COL25A1: variants seen among roughly 807,000 people sequenced by gnomAD.
The protein encoded by COL25A1 is collagen type XXV alpha 1 chain.
COL25A1 carries 103 observed loss-of-function variants against 128.4 expected under a neutral mutation model. The observed-to-expected ratio is 0.80, with a 90% CI of 0.68 to 0.94. The LOEUF (loss-of-function observed/expected upper bound fraction) is 0.94. COL25A1 is among the 40% of genes least tolerant of loss of function. The probability of loss-of-function intolerance (pLI) is 0.00; values close to 1 mark genes in which losing one functional copy is unlikely to be tolerated. For synonymous variants in COL25A1, 279 were observed against 277.2 expected (o/e 1.01, Z -0.06); for missense variants, 745 against 840.0 (o/e 0.89, Z 1.40).
chr4:109,072,476 T>C (rs1430084433), intron 3 of COL25A1, among the ~76,000 whole-genome samples: 3 of 152,220 alleles, frequency 2.0e-5, no homozygotes, highest in East Asian at 1.9e-4. Context: ...ACTATTATCA[T>C]TGATGTTTTC....
intron 3 of COL25A1, among the ~76,000 whole-genome samples, chr4:109,291,944 T>C (rs1485476384): frequency 6.6e-6 from 1 of 152,152 alleles, no homozygotes; most frequent in Non-Finnish European, 1.5e-5. Context: ...ATTATATGAA[T>C]AGTCACTTTT....
chr4:109,194,024 T>C (rs1775821690), intron 3 of COL25A1, among the ~76,000 whole-genome samples: 1 of 152,166 alleles, frequency 6.6e-6, no homozygotes, highest in South Asian at 2.1e-4. Flanking sequence ...ATTTAAAAAA[T>C]AGACTGTGTG....
intron 3 of COL25A1, among the ~76,000 whole-genome samples, chr4:109,147,101 T>C (rs1478400320): frequency 6.6e-6 from 1 of 152,232 alleles, no homozygotes; most frequent in Non-Finnish European, 1.5e-5. Context: ...TAAAGACCGT[T>C]GGCAACATTT....
chr4:109,111,018 T>C lies in COL25A1; in HGVS notation c.368-60839A>G, dbSNP rs373951095. Among the ~76,000 whole-genome samples the C allele has an allele frequency of 5.9e-5, 9 of 152,338 alleles. No individual in the cohort carries two copies. The East Asian group carries it at 1.3e-3, about 23-fold the overall frequency. On this transcript the variant is annotated intron_variant, in intron 3 of 37. Coordinates refer to ENST00000399132, the MANE Select transcript of COL25A1 (RefSeq NM_198721.4). ...TTTACCCTTCAAGCATTTTTCATTG[T>C]CTACAGGATCAATTCAAAACCCCGT...
Position 109,203,974 on chromosome 4 carries a change from G to T in COL25A1, c.367+96609C>A, listed in dbSNP as rs116352949. On this transcript the variant is annotated intron_variant, in intron 3 of 37. Transcript: ENST00000399132. ...TGTGTTTTGAGTGAAGCAACTGCAG[G>T]AATAACAGAATAAAATCTTCATCTA... is the stretch of plus-strand genomic sequence containing the variant. 4.5e-3 allele frequency among the ~76,000 whole-genome samples: 690 copies of T among 152,142 alleles called. 1 individual carries two copies. Among genetic ancestry groups the T allele is most frequent in the Non-Finnish European group, 7.8e-3 (527 of 67,978 alleles).
chr4:108,847,056 C>T (rs1286026157), intron 27 of COL25A1, among the ~76,000 whole-genome samples: 1 of 151,902 alleles, frequency 6.6e-6, no homozygotes, highest in African/African-American at 2.4e-5. Context: ...CAAGCATGCG[C>T]CACCATGCCC....
At chr4:108,944,687 A>G (rs916178370) in intron 8 of COL25A1, among the ~76,000 whole-genome samples, 4 of 151,192 alleles carry the variant, frequency 2.6e-5, no homozygotes, top group Non-Finnish European at 5.9e-5. Context: ...CGTATTTTCA[A>G]AATGCTCACA....
Position 109,070,081 on chromosome 4 carries a change from C to G in COL25A1, c.368-19902G>C, listed in dbSNP as rs186526819. Among the ~76,000 whole-genome samples the G allele has an allele frequency of 2.5e-4, 38 of 151,098 alleles. 1 individual carries two copies. The East Asian group carries it at 3.9e-3, about 16-fold the overall frequency. On this transcript the variant is annotated intron_variant, in intron 3 of 37. Coordinates refer to ENST00000399132, the MANE Select transcript of COL25A1 (RefSeq NM_198721.4). The stretch of plus-strand genomic sequence containing the variant: ...ACCAGCCTGGCCAACAAGGTGAAAC[C>G]CCGTCTCTACTAAAAATATAAAAAA...
At chr4:108,832,973 T>TAATAAACAAATA (rs1733327470) in intron 31 of COL25A1, among the ~76,000 whole-genome samples, 1 of 106,110 alleles carries the variant, frequency 9.4e-6, no homozygotes, top group African/African-American at 3.1e-5. Context: ...TCTCAAAAAA[T>TAATAAACAAATA]AATAAATAAA....
At chr4:109,137,972 T>C (rs913413433) in intron 3 of COL25A1, among the ~76,000 whole-genome samples, 1 of 83,974 alleles carries the variant, frequency 1.2e-5, no homozygotes, top group African/African-American at 3.1e-5. Flanking sequence ...AGAAATTTCA[T>C]TTTATATATA....
intron 8 of COL25A1, among the ~76,000 whole-genome samples, chr4:108,942,014 T>C (rs994992504): frequency 6.6e-6 from 1 of 152,186 alleles, no homozygotes; most frequent in Non-Finnish European, 1.5e-5. Context: ...GTCAATATCC[T>C]CTCAAGTATG....
chr4:108,886,445 TGTG>T (rs1740785411), intron 18 of COL25A1, among the ~76,000 whole-genome samples: 2 of 11,094 alleles, frequency 1.8e-4, no homozygotes, highest in Non-Finnish European at 4.3e-4. Flanking sequence ...TGAGATTTTG[TGTG>T]TGTGTGTGTG....
chr4:108,837,087 A>T (rs1420930121), intron 31 of COL25A1, among the ~76,000 whole-genome samples: 1 of 152,196 alleles, frequency 6.6e-6, no homozygotes, highest in Non-Finnish European at 1.5e-5. Context: ...TCAAAAATAA[A>T]TAAATAAAAT....
chr4:109,162,229 T>C (rs1287419010), intron 3 of COL25A1, among the ~76,000 whole-genome samples: 1 of 152,110 alleles, frequency 6.6e-6, no homozygotes, highest in Non-Finnish European at 1.5e-5. Flanking sequence ...AGGAGAAAGA[T>C]TGGCTAGAAA....
At chr4:109,101,262 T>C (rs1416637249) in intron 3 of COL25A1, among the ~76,000 whole-genome samples, 1 of 152,044 alleles carries the variant, frequency 6.6e-6, no homozygotes, top group East Asian at 1.9e-4. Context: ...ATGACAGTAA[T>C]GAGAGAGGTA....
intron 3 of COL25A1, among the ~76,000 whole-genome samples, chr4:109,244,516 C>T (rs1780131243): frequency 6.6e-6 from 1 of 152,120 alleles, no homozygotes; most frequent in Non-Finnish European, 1.5e-5. Context: ...CAATTCAAGG[C>T]ATTTAAGTTT....
chr4:109,046,497 T>C (rs1579192723), intron 5 of COL25A1, among the ~76,000 whole-genome samples: 1 of 152,190 alleles, frequency 6.6e-6, no homozygotes. Flanking sequence ...AACACTCTAC[T>C]CCAGCCGTAA....
rs138205307 is a variant in COL25A1 at position 109,076,685 on chromosome 4, C to T, written c.368-26506G>A. 4.0e-3 allele frequency among the ~76,000 whole-genome samples: 602 copies of T among 151,962 alleles called. 3 individuals carry two copies. The highest frequency in any genetic ancestry group is 0.01 in the Middle Eastern group (3 of 294). On this transcript the variant is annotated intron_variant, in intron 3 of 37. Transcript: ENST00000399132. Reference sequence around the variant, plus strand: ...GGTGATAGATAACAAAATAATTATACAACTCGCCATAATGTAGAATCAGTG... The same window carrying T: ...GGTGATAGATAACAAAATAATTATATAACTCGCCATAATGTAGAATCAGTG...
At chr4:109,091,228 C>T (rs1405891728) in intron 3 of COL25A1, among the ~76,000 whole-genome samples, 1 of 152,144 alleles carries the variant, frequency 6.6e-6, no homozygotes, top group Non-Finnish European at 1.5e-5. Context: ...TCCCTAACTA[C>T]AGTTAGACTG....
Sources: allele counts gnomAD v4.1 joint callset (sites outside exome capture counted in the v4.1 genomes callset), GRCh38; gene constraint gnomAD v4.1.1; transcripts MANE v1.5; gene names NCBI Gene and HGNC (gene_info 2026-07-23, HGNC 2026-07-21).